Variants in KCNJ9 observed in about 807,000 individuals in gnomAD.
The protein encoded by KCNJ9 is potassium inwardly rectifying channel subfamily J member 9, also known as G protein-activated inward rectifier potassium channel 3.
In KCNJ9, 18 loss-of-function variants were observed where a neutral mutation model predicts 27.9. The ratio of observed to expected loss-of-function variants is 0.65; its 90% confidence interval spans 0.45 to 0.96. The LOEUF is 0.96. Ranked by LOEUF, KCNJ9 falls within the 40% of genes least tolerant of loss-of-function variation. The pLI, the probability that KCNJ9 is intolerant of heterozygous loss-of-function variation, is 0.00. For missense variants in KCNJ9, 324 were observed against 557.5 expected (o/e 0.58, Z 4.22); for synonymous variants, 229 against 248.2 (o/e 0.92, Z 0.73).
rs1649743298 is a variant in KCNJ9 at position 160,084,613 on chromosome 1, T to C, written c.583T>C (p.Leu195=). Residue 195 remains leucine (L), a synonymous_variant, in exon 2 of 3, where the codon TTG becomes CTG. Coordinates refer to ENST00000368088, the MANE Select transcript of KCNJ9 (RefSeq NM_004983.3). ...RLCLMFRVGD[L]RSSHIVEASI... ...CTGCCTCATGTTCCGCGTGGGCGACTTGCGCTCCTCACACATAGTGGAGGC... is the reference window on the plus strand; with the variant it reads ...CTGCCTCATGTTCCGCGTGGGCGACCTGCGCTCCTCACACATAGTGGAGGC... 1.2e-6 allele frequency: 2 copies of C among 1,608,974 alleles called. No individual in the cohort carries two copies. Among genetic ancestry groups the C allele is most frequent in the Admixed American group, 3.4e-5 (2 of 59,434 alleles).
intron 1 of KCNJ9, among the ~76,000 whole-genome samples, chr1:160,082,886 G>GA (rs1649707380): frequency 1.3e-5 from 2 of 151,922 alleles, no homozygotes; most frequent in African/African-American, 2.4e-5. Context: ...AGCATGTGAA[G>GA]AAAAATCAGG....
Position 160,085,737 on chromosome 1 carries a change from AGATC to A in KCNJ9, c.850+858_850+861del, listed in dbSNP as rs542842442. ...CGCAAAGGAGGTCACTTAGGACTTG[AGATC>A]TAGAGGATAGATGAGGATGAGGAAA... On this transcript the variant is annotated intron_variant, in intron 2 of 2. Coordinates refer to ENST00000368088, the MANE Select transcript of KCNJ9 (RefSeq NM_004983.3). Among the ~76,000 whole-genome samples the A allele has an allele frequency of 1.1e-4, 17 of 152,348 alleles. No homozygotes were observed. The South Asian group carries it at 2.5e-3, about 22-fold the overall frequency.
chr1:160,083,772 T>C (rs1202881871), intron 1 of KCNJ9, 145 bp from the exon 2 acceptor site: 4 of 261,108 alleles, frequency 1.5e-5, no homozygotes, highest in Non-Finnish European at 2.9e-5. Context: ...GGGGGGCAGT[T>C]AGGGCTGAAT....
chr1:160,084,105 G>A lies in KCNJ9; in HGVS notation c.75G>A (p.Val25=), dbSNP rs1237954778. 6.5e-7 allele frequency: 1 copy of A among 1,548,770 alleles called. No individual in the cohort carries two copies. The highest frequency in any genetic ancestry group is 8.7e-7 in the Non-Finnish European group (1 of 1,148,010). Reference sequence around the variant, plus strand: ...GGCGCCGCGGCCGCCAGCGCTACGTGGAGAAGGATGGCCGGTGCAACGTGC... The same window carrying A: ...GGCGCCGCGGCCGCCAGCGCTACGTAGAGAAGGATGGCCGGTGCAACGTGC... The part of the protein sequence containing the change: ...PPRRRGRQRY[V]EKDGRCNVQQ... Residue 25 remains valine (V), a synonymous_variant, in exon 2 of 3, where the codon GTG becomes GTA. Coordinates refer to ENST00000368088, the MANE Select transcript of KCNJ9 (RefSeq NM_004983.3).
At chr1:160,085,381 T>C (rs909026160) in intron 2 of KCNJ9, among the ~76,000 whole-genome samples, 6 of 152,194 alleles carry the variant, frequency 3.9e-5, no homozygotes, top group Non-Finnish European at 8.8e-5. Context: ...GTGGCTTCAA[T>C]GTTTAGTGGT....
intron 1 of KCNJ9, among the ~76,000 whole-genome samples, chr1:160,081,938 C>T (rs1649684327): frequency 6.6e-6 from 1 of 152,164 alleles, no homozygotes; most frequent in Non-Finnish European, 1.5e-5. Context: ...AACTGAAATT[C>T]TTGGAGGGAA....
chr1:160,081,910 T>TGA (rs1398993896), intron 1 of KCNJ9, among the ~76,000 whole-genome samples: 1 of 152,008 alleles, frequency 6.6e-6, no homozygotes, highest in Non-Finnish European at 1.5e-5. Flanking sequence ...GCACAAGAAA[T>TGA]GAGGAGTAGG....
At chr1:160,083,803 G>C (rs752937410) in intron 1 of KCNJ9, 114 bp from the exon 2 acceptor site, 10 of 298,484 alleles carry the variant, frequency 3.4e-5, no homozygotes, top group Non-Finnish European at 6.1e-5. Flanking sequence ...CAGAAATAGA[G>C]GCCAGGCAAC....
Position 160,084,985 on chromosome 1 carries a change from A to G in KCNJ9, c.850+105A>G, listed in dbSNP as rs372749684. On this transcript the variant is annotated intron_variant, in intron 2 of 2. Coordinates refer to ENST00000368088, the MANE Select transcript of KCNJ9 (RefSeq NM_004983.3). ...CAGGGGAGCTGGGGAGGATGGATGGAGGGGCTGGTGGAGGATGAGACAGTG... is the reference window on the plus strand; with the variant it reads ...CAGGGGAGCTGGGGAGGATGGATGGGGGGGCTGGTGGAGGATGAGACAGTG... 1.3e-4 allele frequency: 160 copies of G among 1,277,056 alleles called. 3 individuals carry two copies. In the South Asian group the frequency reaches 2.3e-3, roughly 18 times the overall value. The allele number at this position is 1,277,056 out of a possible 1,614,324, so 79.1% of individuals were successfully genotyped here. A position where few individuals can be genotyped will look rare whatever the true frequency, so the allele number is the denominator to read the frequency against.
intron 1 of KCNJ9, among the ~76,000 whole-genome samples, chr1:160,082,964 T>C (rs1195953911): frequency 6.6e-6 from 1 of 151,938 alleles, no homozygotes; most frequent in East Asian, 1.9e-4. Context: ...GTTAGGATAG[T>C]CCATGGGAAG....
In KCNJ9 at chr1:160,090,561, G is replaced by A. The variant is rs1649884590; in HGVS notation, c.*2744G>A. The A allele has an allele frequency of 6.6e-6, 1 of 152,220 alleles. No homozygotes were observed. The highest frequency in any genetic ancestry group is 1.5e-5 in the Non-Finnish European group (1 of 68,058). The allele number at this position is 152,220 out of a possible 1,614,324, so 9.4% of individuals were successfully genotyped here. ...CTCAATAAATGTTTAAATAACAACT[G>A]AAGGAGGCCTGCCAGATGCCTCTTA... On this transcript the variant is annotated 3_prime_UTR_variant, in exon 3 of 3. Transcript: ENST00000368088.
chr1:160,084,971 G>A, intron 2 of KCNJ9, 91 bp downstream of exon 2: 1 of 1,370,038 alleles, frequency 7.3e-7, no homozygotes, highest in South Asian at 1.4e-5. Context: ...AGGGGAGCTG[G>A]GGAGGATGGA....
At position 160,084,618 on chromosome 1, in the gene KCNJ9, C is replaced by T. The variant is rs775993701; in HGVS notation, c.588C>T (p.Arg196=). The change falls in exon 2 of 3, where the codon CGC becomes CGT. Residue 196 remains arginine, a synonymous_variant. Coordinates refer to ENST00000368088, the MANE Select transcript of KCNJ9 (RefSeq NM_004983.3). ...LCLMFRVGDL[R]SSHIVEASIR... ...TCATGTTCCGCGTGGGCGACTTGCG[C>T]TCCTCACACATAGTGGAGGCCTCCA... 10 of 1,608,386 alleles carry T rather than the reference C, an allele frequency of 6.2e-6. No individual in the cohort carries two copies. Among genetic ancestry groups the T allele is most frequent in the Non-Finnish European group, 8.5e-6 (10 of 1,177,698 alleles).
Position 160,086,893 on chromosome 1 carries a change from C to G in KCNJ9, c.851-593C>G, listed in dbSNP as rs115750375. Among the ~76,000 whole-genome samples the G allele has an allele frequency of 6.6e-5, 10 of 152,150 alleles. No homozygotes were observed. In the East Asian group the frequency reaches 1.9e-3, roughly 29 times the overall value. On this transcript the variant is annotated intron_variant, in intron 2 of 2. Transcript: ENST00000368088. ...TGGAAAACCAGGTCAAATGAGGAAT[C>G]GTGGAGGAAGCCAGGGATGTTAAGT...
At chr1:160,087,190 G>T (rs113449386) in intron 2 of KCNJ9, among the ~76,000 whole-genome samples, 7 of 152,268 alleles carry the variant, frequency 4.6e-5, no homozygotes, top group African/African-American at 1.7e-4. Context: ...TGAGAAGTTG[G>T]ACTAGAGGAT....
intron 1 of KCNJ9, 81 bp downstream of exon 1, chr1:160,081,778 G>C (rs535724408): frequency 6.6e-6 from 1 of 152,154 alleles, no homozygotes; most frequent in Non-Finnish European, 1.5e-5. Flanking sequence ...TGGTTCTTGG[G>C]GGAGTTTTCA....
rs140202927 is a variant in KCNJ9 at position 160,088,633 on chromosome 1, AAG to A, written c.*829_*830del. On this transcript the variant is annotated 3_prime_UTR_variant, in exon 3 of 3. Transcript: ENST00000368088. Reference sequence around the variant, plus strand: ...CTTACAGGTATCAGGCACAGGCAGGAAGAGAGAGAGAGAGGTTCTGGGGAGGA... The same window carrying A: ...CTTACAGGTATCAGGCACAGGCAGGAAGAGAGAGAGAGGTTCTGGGGAGGA... 8.6e-5 allele frequency: 13 copies of A among 151,658 alleles called. No homozygotes were observed. Among genetic ancestry groups the A allele is most frequent in the East Asian group, 1.9e-4 (1 of 5,170 alleles). The allele number at this position is 151,658 out of a possible 1,614,324, so 9.4% of individuals were successfully genotyped here.
At chr1:160,085,917 C>G (rs988717223) in intron 2 of KCNJ9, among the ~76,000 whole-genome samples, 3 of 152,210 alleles carry the variant, frequency 2.0e-5, no homozygotes, top group Non-Finnish European at 4.4e-5. Context: ...GCTTCACACC[C>G]CAACCCCAGC....
chr1:160,085,687 G>GA (rs1649764160), intron 2 of KCNJ9, among the ~76,000 whole-genome samples: 1 of 152,218 alleles, frequency 6.6e-6, no homozygotes, highest in African/African-American at 2.4e-5. Flanking sequence ...GGGAGCAGGT[G>GA]AAAAAAGACC....
Sources: gnomAD v4.1 joint callset for allele counts (sites outside exome capture counted in the v4.1 genomes callset) on GRCh38, gnomAD v4.1.1 for gene constraint, MANE v1.5 for transcripts, NCBI Gene and HGNC (gene_info 2026-07-23, HGNC 2026-07-21) for gene names.